The following MERTK variants were observed in gnomAD, a reference collection of about 807,000 sequenced individuals.
MERTK encodes the protein tyrosine-protein kinase Mer.
A neutral mutation model predicts 99.3 loss-of-function variants in MERTK; 69 were observed. The ratio of observed to expected loss-of-function variants is 0.70; its 90% CI spans 0.57 to 0.85. The LOEUF is 0.85. Ranked by LOEUF, MERTK falls within the 40% of genes least tolerant of loss-of-function variation. The probability of loss-of-function intolerance (pLI) is 0.00; values close to 1 mark genes in which losing one functional copy is unlikely to be tolerated. For synonymous variants in MERTK, 426 were observed against 467.6 expected, an observed-to-expected ratio of 0.91 and a Z score of 1.15; for missense variants, 1,125 against 1,249.4, an observed-to-expected ratio of 0.90 and a Z score of 1.50.
At chr2:111,983,946 C>T (rs183504266) in intron 8 of MERTK, among the ~76,000 whole-genome samples, 1 of 152,174 alleles carries the variant, frequency 6.6e-6, no homozygotes, top group African/African-American at 2.4e-5. Flanking sequence ...AGTCAAGATT[C>T]TTTAGAGAAA....
chr2:111,904,438 G>A (rs1229877256), intron 1 of MERTK, among the ~76,000 whole-genome samples: 1 of 150,670 alleles, frequency 6.6e-6, no homozygotes, highest in Non-Finnish European at 1.5e-5. Flanking sequence ...TGCATGTGGC[G>A]CGATCTCGGC....
chr2:111,997,114 A>T (rs1051849461), intron 9 of MERTK: 40 of 732,670 alleles, frequency 5.5e-5, no homozygotes, highest in Non-Finnish European at 9.0e-5. Context: ...TGTATATGTT[A>T]TGGAATGAGT....
At chr2:111,976,322 TGTAATAAGG>T (rs1262477230) in intron 7 of MERTK, among the ~76,000 whole-genome samples, 1 of 152,180 alleles carries the variant, frequency 6.6e-6, no homozygotes, top group Non-Finnish European at 1.5e-5. Context: ...GGACCCCCTT[TGTAATAAGG>T]GTCTTATGAC....
At chr2:111,934,346 A>T (rs1162130356) in intron 2 of MERTK, among the ~76,000 whole-genome samples, 3 of 152,218 alleles carry the variant, frequency 2.0e-5, no homozygotes, top group African/African-American at 4.8e-5. Flanking sequence ...CCAACAGTGT[A>T]AAAGTGTTCC....
intron 1 of MERTK, among the ~76,000 whole-genome samples, chr2:111,902,578 T>C (rs948493990): frequency 6.6e-6 from 1 of 152,108 alleles, no homozygotes; most frequent in Non-Finnish European, 1.5e-5. Flanking sequence ...GCAGTGACTC[T>C]TCCCTCTGGC....
At chr2:111,994,884 A>G (rs1217031627) in intron 9 of MERTK, among the ~76,000 whole-genome samples, 1 of 152,230 alleles carries the variant, frequency 6.6e-6, no homozygotes, top group Non-Finnish European at 1.5e-5. Flanking sequence ...GCTGATACCC[A>G]TAGGTCCCTC....
intron 2 of MERTK, among the ~76,000 whole-genome samples, chr2:111,944,533 A>ATTCCTTAAAATAAGTCCTCT: frequency 6.6e-6 from 1 of 151,376 alleles, no homozygotes; most frequent in South Asian, 2.1e-4. Context: ...TTAAGGAATT[A>ATTCCTTAAAATAAGTCCTCT]GCTCACACAC....
chr2:111,997,669 G>C (rs3811637), intron 10 of MERTK, among the ~76,000 whole-genome samples, 193 bp downstream of exon 10: 94,123 of 152,148 alleles, frequency 0.62, 29,496 homozygotes, highest in Middle Eastern at 0.69. Context: ...CAAAAGCCAG[G>C]CCTGAAAAGG....
chr2:111,985,006 G>A (rs1395153030), intron 8 of MERTK, among the ~76,000 whole-genome samples: 1 of 152,120 alleles, frequency 6.6e-6, no homozygotes, highest in Non-Finnish European at 1.5e-5. Context: ...ATCTAAAGCT[G>A]GCAAGATCCT....
chr2:111,977,120 A>G (rs1220186725), intron 7 of MERTK, among the ~76,000 whole-genome samples: 2 of 152,112 alleles, frequency 1.3e-5, no homozygotes, highest in Non-Finnish European at 2.9e-5. Flanking sequence ...AGTGGTCTTC[A>G]TTTTTTGGTC....
intron 2 of MERTK, among the ~76,000 whole-genome samples, chr2:111,943,558 G>A (rs867108613): frequency 6.6e-6 from 1 of 152,040 alleles, no homozygotes; most frequent in African/African-American, 2.4e-5. Flanking sequence ...AAAATAAAAT[G>A]TGCATTTCAA....
intron 8 of MERTK, among the ~76,000 whole-genome samples, chr2:111,988,972 T>C (rs1182920838): frequency 6.6e-6 from 1 of 152,042 alleles, no homozygotes; most frequent in Non-Finnish European, 1.5e-5. Context: ...AGAAAGATAA[T>C]ATGCTCAATT....
intron 1 of MERTK, among the ~76,000 whole-genome samples, chr2:111,899,330 C>CG (rs141041010): frequency 0.074 from 11,239 of 151,904 alleles, 835 homozygotes; most frequent in East Asian, 0.44. Context: ...AGCGACGGGC[C>CG]AGGGGGGGAC....
intron 16 of MERTK, among the ~76,000 whole-genome samples, chr2:112,019,989 T>C (rs928089464): frequency 6.6e-6 from 1 of 152,250 alleles, no homozygotes; most frequent in Non-Finnish European, 1.5e-5. Flanking sequence ...ATACAAGAAA[T>C]GTGGACTTAG....
At chr2:111,924,930 TATC>T (rs2104681300) in intron 1 of MERTK, among the ~76,000 whole-genome samples, 1 of 152,098 alleles carries the variant, frequency 6.6e-6, no homozygotes, top group South Asian at 2.1e-4. Context: ...AGGTGGTAGG[TATC>T]ATGGAGCTTT....
rs541368035 is a variant in MERTK, at chr2:111,936,570, G to A, written c.482+7030G>A. Among the ~76,000 whole-genome samples, 9 of 152,222 alleles carry A rather than the reference G, an allele frequency of 5.9e-5. No individual in the cohort carries two copies. In the South Asian group the frequency reaches 1.9e-3, roughly 32 times the overall value. ...TCCCTCTTTTTTTCCTGTTTCACTT[G>A]GATGTCTGTTATTGTTGATGGAGCC... On this transcript the variant is annotated intron_variant, in intron 2 of 18. Coordinates refer to ENST00000295408, the MANE Select transcript of MERTK (RefSeq NM_006343.3).
At chr2:111,925,292 A>ATATAT (rs372747015) in intron 1 of MERTK, among the ~76,000 whole-genome samples, 27 of 24,502 alleles carry the variant, frequency 1.1e-3, no homozygotes, top group East Asian at 4.8e-3. Flanking sequence ...ATATATATAT[A>ATATAT]TTTTTTTTTT....
At chr2:111,946,561 G>A (rs925165387) in intron 3 of MERTK, among the ~76,000 whole-genome samples, 5 of 152,178 alleles carry the variant, frequency 3.3e-5, no homozygotes, top group African/African-American at 1.2e-4. Context: ...CTGCAACTGT[G>A]TTTATACAGT....
intron 1 of MERTK, among the ~76,000 whole-genome samples, chr2:111,905,799 A>T (rs1412346814): frequency 6.6e-6 from 1 of 152,064 alleles, no homozygotes; most frequent in Admixed American, 6.5e-5. Flanking sequence ...AAAGCATTTT[A>T]TTTCATCCTT....
Sources: gnomAD v4.1 joint callset for allele counts (sites outside exome capture counted in the v4.1 genomes callset) on GRCh38, gnomAD v4.1.1 for gene constraint, MANE v1.5 for transcripts, NCBI Gene and HGNC (gene_info 2026-07-23, HGNC 2026-07-21) for gene names.